GREB1: variants seen among roughly 807,000 people sequenced by gnomAD.
GREB1 encodes growth regulating estrogen receptor binding 1.
Under a neutral mutation model 200.7 loss-of-function variants are expected in GREB1, and 106 were observed. That is an observed-to-expected ratio of 0.53 (90% confidence interval 0.45 to 0.62). The LOEUF (loss-of-function observed/expected upper bound fraction) is 0.62, where lower values mean the gene tolerates loss of function less well. Among genes scored for constraint, GREB1 ranks in the 20% least tolerant of loss-of-function variants. The probability of loss-of-function intolerance (pLI) is 0.00; values close to 1 mark genes in which losing one functional copy is unlikely to be tolerated. For missense variants in GREB1, 2,243 were observed against 2,556.8 expected (o/e 0.88, Z 2.65); for synonymous variants, 1,132 against 1,092.4 (o/e 1.04, Z -0.72).
chr2:11,578,271 T>C (rs1352031001), intron 5 of GREB1, 26 bp from the exon 6 acceptor site: 1 of 1,600,142 alleles, frequency 6.2e-7, no homozygotes, highest in African/African-American at 1.3e-5. Flanking sequence ...CGAGTTGGTT[T>C]TCACGTGTGC....
chr2:11,501,894 T>G (rs1312423047), intron 1 of GREB1, among the ~76,000 whole-genome samples: 2 of 67,480 alleles, frequency 3.0e-5, no homozygotes, highest in African/African-American at 1.4e-4. Context: ...CTGGATTTCC[T>G]GTTTTTTTTT....
At chr2:11,590,247 T>A (rs1680592785) in intron 10 of GREB1, among the ~76,000 whole-genome samples, 1 of 152,110 alleles carries the variant, frequency 6.6e-6, no homozygotes, top group South Asian at 2.1e-4. Context: ...TCGCTCACCC[T>A]CTCTGTGGCT....
chr2:11,552,450 C>T lies in GREB1; in HGVS notation c.-161-4004C>T, dbSNP rs537163289. Among the ~76,000 whole-genome samples, 21 of 152,336 alleles carry T rather than the reference C, an allele frequency of 1.4e-4. No homozygotes were observed. The South Asian group carries it at 3.9e-3, about 29-fold the overall frequency. ...TGATAGGTGTTGTCTCCACTCCATG[C>T]GGCATTTGGGAGGATTGAAGCTTTA... On this transcript the variant is annotated intron_variant, in intron 1 of 32. Transcript: ENST00000381486.
At chr2:11,565,706 C>A (rs1677563438) in intron 3 of GREB1, among the ~76,000 whole-genome samples, 1 of 152,176 alleles carries the variant, frequency 6.6e-6, no homozygotes, top group Admixed American at 6.5e-5. Flanking sequence ...GAATGAGAAT[C>A]CCTGTGCTCT....
intron 1 of GREB1, among the ~76,000 whole-genome samples, chr2:11,551,344 G>A (rs1345968239): frequency 1.3e-5 from 2 of 152,318 alleles, no homozygotes; most frequent in East Asian, 3.9e-4. Context: ...CACTCTTAAA[G>A]ATAAGCAGAT....
At chr2:11,588,606 G>C (rs1416169695) in intron 9 of GREB1, 140 bp from the exon 10 acceptor site, 2 of 796,204 alleles carry the variant, frequency 2.5e-6, no homozygotes, top group African/African-American at 1.7e-5. Flanking sequence ...AATGAGCAAG[G>C]CTTCCCAGGA....
intron 12 of GREB1, 42 bp downstream of exon 12, chr2:11,595,421 G>A: frequency 5.0e-6 from 8 of 1,594,014 alleles, no homozygotes; most frequent in East Asian, 2.3e-5. Context: ...TATGTTAATA[G>A]GACAGTAATC....
intron 7 of GREB1, chr2:11,581,309 T>A: frequency 2.4e-6 from 1 of 414,462 alleles, no homozygotes; most frequent in South Asian, 3.8e-5. Context: ...GATGAGGTGC[T>A]GTATGAAAGG....
In GREB1 at chr2:11,627,076, A is replaced by C; in HGVS notation, c.4421A>C (p.Gln1474Pro). ...TACCACCACTGTGAGCAGTGCCACC[A>C]GTACATGGGCTTCCACCCCCGCTAC... Reference protein sequence around the residue: ...NTYHHCEQCHQYMGFHPRYQL... With the variant: ...NTYHHCEQCHPYMGFHPRYQL... Residue 1474 changes from glutamine to proline, a missense_variant, in exon 25 of 33, where the codon CAG (glutamine) becomes CCG (proline). Transcript: ENST00000381486. The C allele has an allele frequency of 6.2e-7, 1 of 1,605,516 alleles. No homozygotes were observed.
At chr2:11,614,777 A>G (rs1348327753) in intron 19 of GREB1, among the ~76,000 whole-genome samples, 1 of 152,014 alleles carries the variant, frequency 6.6e-6, no homozygotes, top group Non-Finnish European at 1.5e-5. Context: ...GTTAGCCAGG[A>G]TGGTCTCGAT....
At chr2:11,500,885 CAG>C (rs1378679805) in intron 1 of GREB1, among the ~76,000 whole-genome samples, 5 of 152,142 alleles carry the variant, frequency 3.3e-5, no homozygotes, top group Admixed American at 6.5e-5. Flanking sequence ...AGAAACGAAA[CAG>C]AAAGTGGAGA....
At chr2:11,534,586 C>A (rs546515779) in intron 1 of GREB1, among the ~76,000 whole-genome samples, 2 of 152,234 alleles carry the variant, frequency 1.3e-5, no homozygotes, top group Admixed American at 1.3e-4. Flanking sequence ...TACCTGGGGG[C>A]CCCTCAGCAG....
At position 11,632,011 on chromosome 2, in the gene GREB1, C is replaced by T; in HGVS notation, c.4714C>T (p.His1572Tyr). The change falls in exon 27 of 33, where the codon CAC (histidine) becomes TAC (tyrosine). Residue 1572 changes from histidine (H) to tyrosine (Y), a missense_variant. By Grantham distance (83) the His-to-Tyr change is moderately conservative (BLOSUM62 2). Around this residue, in one of 3 missense-constraint regions of GREB1, gnomAD observed 478 missense variants for 616.3 expected, o/e 0.78. Coordinates refer to ENST00000381486, the MANE Select transcript of GREB1 (RefSeq NM_014668.4). ...YHAMDGASHL[H>Y]VLVVKEYEMA... ...CGCAATGGACGGTGCCAGCCATTTG[C>T]ACGTGCTGGTTGTCAAGGAATACGA... The T allele has an allele frequency of 1.2e-6, 2 of 1,613,506 alleles. No homozygotes were observed. The highest frequency in any genetic ancestry group is 1.7e-6 in the Non-Finnish European group (2 of 1,179,448).
intron 1 of GREB1, among the ~76,000 whole-genome samples, chr2:11,515,661 G>A (rs1440949077): frequency 2.0e-5 from 3 of 152,210 alleles, no homozygotes; most frequent in African/African-American, 7.2e-5. Context: ...CCCCTCCTGT[G>A]TCTCCCAGGA....
rs192477559 is a variant in GREB1, at chr2:11,628,145, C to T, written c.4449+1041C>T. Among the ~76,000 whole-genome samples, 306 of 152,306 alleles carry T rather than the reference C, an allele frequency of 2.0e-3. 3 individuals are homozygous for T. Among genetic ancestry groups the T allele is most frequent in the African/African-American group, 7.0e-3 (290 of 41,550 alleles). On this transcript the variant is annotated intron_variant, in intron 25 of 32. Coordinates refer to ENST00000381486, the MANE Select transcript of GREB1 (RefSeq NM_014668.4). ...CTCAGTGGGAACTCCAAGTGGAGCC[C>T]AGTGTGGGCAGAGCTGTGTTTAGAC...
chr2:11,604,954 TAAAAAC>T (rs1221421795), intron 17 of GREB1, among the ~76,000 whole-genome samples: 1 of 152,094 alleles, frequency 6.6e-6, no homozygotes, highest in African/African-American at 2.4e-5. Flanking sequence ...TACTGTGACT[TAAAAAC>T]AAAAGATCTA....
intron 1 of GREB1, among the ~76,000 whole-genome samples, chr2:11,541,853 A>G (rs1338163266): frequency 6.6e-6 from 1 of 152,126 alleles, no homozygotes; most frequent in Non-Finnish European, 1.5e-5. Flanking sequence ...GGCACACAAT[A>G]GGTGTCTCGC....
chr2:11,536,070 C>G (rs1674279510), intron 1 of GREB1, among the ~76,000 whole-genome samples: 1 of 152,134 alleles, frequency 6.6e-6, no homozygotes, highest in East Asian at 1.9e-4. Context: ...GAGGGAAGCA[C>G]ACAGATTAAC....
rs755239065 is a variant in GREB1, at chr2:11,633,181, A to C, written c.4991+118A>C. The C allele has an allele frequency of 1.9e-5, 19 of 981,366 alleles. No homozygotes were observed. The highest frequency in any genetic ancestry group is 3.1e-4 in the Middle Eastern group (1 of 3,254). The allele number at this position is 981,366 out of a possible 1,614,324, so 60.8% of individuals were successfully genotyped here. The stretch of plus-strand genomic sequence containing the variant: ...AAGACCGGAGGGCCTCTCATAGTAG[A>C]AGGGGTGGTTGTGGTTGTGGTTCCC... On this transcript the variant is annotated intron_variant, in intron 28 of 32. Transcript: ENST00000381486. The surrounding 1 kb of genome is among the most constrained non-coding windows in gnomAD (Gnocchi z 4.1).
Sources: gnomAD v4.1 joint callset for allele counts (sites outside exome capture counted in the v4.1 genomes callset) on GRCh38, gnomAD v4.1.1 for gene constraint, gnomAD v4.1.1 regional missense constraint, Gnocchi (gnomAD v3.1) non-coding constraint, MANE v1.5 for transcripts, NCBI Gene and HGNC (gene_info 2026-07-23, HGNC 2026-07-21) for gene names.